PHRF1: variants seen among roughly 807,000 people sequenced by gnomAD.
PHRF1 encodes PHD and ring finger domains 1.
Under a neutral mutation model 128.9 loss-of-function variants are expected in PHRF1, and 53 were observed. The ratio of observed to expected loss-of-function variants is 0.41; its 90% CI spans 0.33 to 0.52. The LOEUF (loss-of-function observed/expected upper bound fraction) is 0.52. Ranked by LOEUF, PHRF1 falls within the 20% of genes least tolerant of loss-of-function variation. The pLI, the probability that PHRF1 is intolerant of heterozygous loss-of-function variation, is 0.21. For missense variants in PHRF1, 2,503 were observed against 2,284.5 expected (o/e 1.10, Z -1.95); for synonymous variants, 1,178 against 980.6 (o/e 1.20, Z -3.76).
intron 3 of PHRF1, among the ~76,000 whole-genome samples, 170 bp downstream of exon 3, chr11:582,251 T>C (rs926933270): frequency 5.4e-5 from 8 of 148,726 alleles, no homozygotes; most frequent in African/African-American, 2.0e-4. Context: ...ACTTTATTTG[T>C]AGTACTTCAT....
chr11:605,439 G>C (rs1034628119), intron 11 of PHRF1, 139 bp downstream of exon 11: 1 of 1,446,204 alleles, frequency 6.9e-7, no homozygotes, highest in Non-Finnish European at 9.4e-7. Context: ...ACCGCCATAC[G>C]GTGCAGGTGG....
At chr11:581,908 CT>C (rs1854226773) in intron 2 of PHRF1, 53 bp from the exon 3 acceptor site, 3 of 1,518,530 alleles carry the variant, frequency 2.0e-6, no homozygotes, top group Non-Finnish European at 2.6e-6. Context: ...AACCTGCTCT[CT>C]GCTGCATGGT....
chr11:595,859 A>T (rs2132977791), intron 6 of PHRF1, among the ~76,000 whole-genome samples: 1 of 151,938 alleles, frequency 6.6e-6, no homozygotes, highest in Middle Eastern at 3.4e-3. Flanking sequence ...ATGTTAGGGG[A>T]CCTAGTTAGG....
intron 12 of PHRF1, 103 bp downstream of exon 12, chr11:605,827 G>A (rs1397097761): frequency 2.1e-6 from 3 of 1,448,402 alleles, no homozygotes; most frequent in Non-Finnish European, 2.7e-6. Flanking sequence ...GTGGCCCTGG[G>A]TGGCGTCAGC....
At chr11:605,931 C>T (rs1855914514) in intron 12 of PHRF1, among the ~76,000 whole-genome samples, 2 of 152,246 alleles carry the variant, frequency 1.3e-5, no homozygotes, top group African/African-American at 2.4e-5. Context: ...TGCCTGTGAG[C>T]GTGGACTGGG....
chr11:610,060 T>G (rs1856268339), intron 14 of PHRF1, 136 bp from the exon 15 acceptor site: 1 of 1,174,022 alleles, frequency 8.5e-7, no homozygotes. Flanking sequence ...AACCTCCCCT[T>G]GGTGCTGGGG....
intron 4 of PHRF1, among the ~76,000 whole-genome samples, chr11:589,576 G>T (rs1383498902): frequency 1.1e-5 from 1 of 90,768 alleles, no homozygotes; most frequent in Non-Finnish European, 2.6e-5. Context: ...GACACACTCG[G>T]GGGGGCAGGA....
At chr11:605,578 C>G (rs1434823204) in intron 11 of PHRF1, 27 bp from the exon 12 acceptor site, 1 of 1,608,550 alleles carries the variant, frequency 6.2e-7, no homozygotes, top group Non-Finnish European at 8.5e-7. Flanking sequence ...GTCACTTGTT[C>G]CCTTTGGCCT....
At position 607,872 on chromosome 11, in the gene PHRF1, A is replaced by C. The variant is rs1323698890; in HGVS notation, c.2416A>C (p.Lys806Gln). 1.9e-6 allele frequency: 3 copies of C among 1,612,672 alleles called. No homozygotes were observed. In the African/African-American group the frequency reaches 4.0e-5, roughly 22 times the overall value. Residue 806 changes from lysine to glutamine, a missense_variant, in exon 14 of 18, where the codon AAG becomes CAG. By Grantham distance (53) the Lys-to-Gln change is moderately conservative. Transcript: ENST00000264555. ...FCNTFRPVDD[K>Q]EQRKENPSPL... ...TAACACGTTCCGGCCTGTGGACGAT[A>C]AGGAGCAGAGGAAGGAGAACCCCTC...
intron 9 of PHRF1, 86 bp from the exon 10 acceptor site, chr11:601,488 G>A: frequency 6.4e-7 from 1 of 1,567,320 alleles, no homozygotes; most frequent in South Asian, 1.2e-5. Context: ...CGGCTCCTTG[G>A]GCTCCGTCCA....
At position 608,922 on chromosome 11, in the gene PHRF1, C is replaced by G. The variant is rs758596054; in HGVS notation, c.3466C>G (p.Arg1156Gly). Residue 1156 changes from arginine (R) to glycine (G), a missense_variant, in exon 14 of 18, where the codon CGA becomes GGA. Arg to Gly is a moderately radical substitution (Grantham distance 125). Transcript: ENST00000264555. Reference protein sequence around the residue: ...PDRKESVAWPRDRRKRRSRSP... With the variant: ...PDRKESVAWPGDRRKRRSRSP... Reference sequence around the variant, plus strand: ...CAGGAAGGAGAGTGTGGCGTGGCCCCGAGACCGGAGGAAGCGGAGGTCCCG... The same window carrying G: ...CAGGAAGGAGAGTGTGGCGTGGCCCGGAGACCGGAGGAAGCGGAGGTCCCG... 53 of 1,611,906 alleles carry G rather than the reference C, an allele frequency of 3.3e-5. No individual in the cohort carries two copies. The highest frequency in any genetic ancestry group is 4.2e-5 in the Non-Finnish European group (50 of 1,179,724).
In PHRF1 at chr11:611,088, C is replaced by T; in HGVS notation, c.4806+6C>T. On this transcript the variant is annotated splice_donor_region_variant and intron_variant, in intron 17 of 17. Transcript: ENST00000264555. ...TGCGCAAGGCCGTGCAGAAGGTGGG[C>T]TGTGTGCGAGCCTGTGTGTGGGGCT... is the stretch of plus-strand genomic sequence containing the variant. The T allele has an allele frequency of 6.2e-7, 1 of 1,612,266 alleles. No homozygotes were observed. The highest frequency in any genetic ancestry group is 8.5e-7 in the Non-Finnish European group (1 of 1,179,526).
chr11:578,021 T>C (rs1048495642), intron 1 of PHRF1, among the ~76,000 whole-genome samples: 2 of 152,238 alleles, frequency 1.3e-5, no homozygotes, highest in Admixed American at 1.3e-4. Context: ...GGAAGGGCTG[T>C]GGTCTTTTCT....
intron 9 of PHRF1, among the ~76,000 whole-genome samples, chr11:600,858 C>T (rs934215225): frequency 4.0e-5 from 6 of 151,720 alleles, no homozygotes; most frequent in East Asian, 1.9e-4. Flanking sequence ...CCCAGCTACA[C>T]GGGAGGCTGA....
chr11:607,798 T>C lies in PHRF1; in HGVS notation c.2342T>C (p.Ile781Thr). 6.2e-7 allele frequency: 1 copy of C among 1,612,732 alleles called. No individual in the cohort carries two copies. Among genetic ancestry groups the C allele is most frequent in the Non-Finnish European group, 8.5e-7 (1 of 1,179,870 alleles). The change falls in exon 14 of 18, where the codon ATT becomes ACT. Residue 781 changes from isoleucine (I) to threonine (T), a missense_variant. Ile to Thr is a moderately conservative substitution (Grantham distance 89). Transcript: ENST00000264555. ...ACCTTTGAGAGCTTCCGGATCAATA[T>C]TCCTGGAAACATGGCACATTCCAGC... ...GSTFESFRIN[I>T]PGNMAHSSQL...
At chr11:579,861 C>CA (rs1564835970) in intron 1 of PHRF1, among the ~76,000 whole-genome samples, 1 of 152,208 alleles carries the variant, frequency 6.6e-6, no homozygotes. Flanking sequence ...TAGGGTTTTG[C>CA]ACTGTCTTGT....
At chr11:584,904 A>G (rs1158372188) in intron 3 of PHRF1, among the ~76,000 whole-genome samples, 2 of 151,852 alleles carry the variant, frequency 1.3e-5, no homozygotes, top group African/African-American at 4.8e-5. Context: ...TGCCTGGGTA[A>G]TTTTTGTATT....
rs1325889053 is a variant in PHRF1 at position 606,858 on chromosome 11, G to T, written c.1610-208G>T. 1.2e-5 allele frequency: 11 copies of T among 939,428 alleles called. No individual in the cohort carries two copies. The South Asian group carries it at 2.0e-4, about 17-fold the overall frequency. The allele number at this position is 939,428 out of a possible 1,614,324, so 58.2% of individuals were successfully genotyped here. On this transcript the variant is annotated intron_variant, in intron 13 of 17. Transcript: ENST00000264555. ...CCGCCCCTGGTTAATATCGTGTCCT[G>T]ATGGCCTCAGGCACTGTACTTTGTC...
rs747233334 is a variant in PHRF1 at position 607,642 on chromosome 11, C to T, written c.2186C>T (p.Ala729Val). The T allele has an allele frequency of 5.0e-6, 8 of 1,611,712 alleles. No individual in the cohort carries two copies. The highest frequency in any genetic ancestry group is 6.8e-6 in the Non-Finnish European group (8 of 1,179,424). Residue 729 changes from alanine to valine, a missense_variant, in exon 14 of 18, where the codon GCA (alanine) becomes GTA (valine). Coordinates refer to ENST00000264555, the MANE Select transcript of PHRF1 (RefSeq NM_001286581.2). ...GGGCAGCCAGGGCGAGGCACACGGGCAGAGAGCGAGGCCAGCAGCAGGGTG... is the reference window on the plus strand; with the variant it reads ...GGGCAGCCAGGGCGAGGCACACGGGTAGAGAGCGAGGCCAGCAGCAGGGTG... ...GTGQPGRGTR[A>V]ESEASSRVPR...
Sources: allele counts gnomAD v4.1 joint callset (sites outside exome capture counted in the v4.1 genomes callset), GRCh38; gene constraint gnomAD v4.1.1; transcripts MANE v1.5; gene names NCBI Gene and HGNC (gene_info 2026-07-23, HGNC 2026-07-21).